SEMA3C: variants seen among roughly 807,000 people sequenced by gnomAD.
SEMA3C encodes semaphorin-3C.
A neutral mutation model predicts 89.4 loss-of-function variants in SEMA3C; 47 were observed. The ratio of observed to expected loss-of-function variants is 0.53; its 90% CI spans 0.42 to 0.67. The LOEUF is 0.67. Ranked by LOEUF, SEMA3C falls within the 30% of genes least tolerant of loss-of-function variation. The pLI is 0.00. For synonymous variants in SEMA3C, 310 were observed against 320.2 expected (o/e 0.97, Z 0.34); for missense variants, 839 against 929.1 (o/e 0.90, Z 1.26).
At chr7:80,774,604 T>C (rs961075969) in intron 12 of SEMA3C, among the ~76,000 whole-genome samples, 2 of 151,840 alleles carry the variant, frequency 1.3e-5, no homozygotes, top group African/African-American at 4.8e-5. Context: ...TAATAGCAGA[T>C]TAAAGTATTG....
At chr7:80,880,263 T>C (rs918075646) in intron 2 of SEMA3C, among the ~76,000 whole-genome samples, 5 of 152,234 alleles carry the variant, frequency 3.3e-5, no homozygotes, top group African/African-American at 1.2e-4. Flanking sequence ...CTGTGTTTTC[T>C]TGTCCACAGT....
intron 4 of SEMA3C, among the ~76,000 whole-genome samples, chr7:80,820,342 G>T (rs912785239): frequency 2.0e-5 from 3 of 151,890 alleles, no homozygotes; most frequent in Admixed American, 6.6e-5. Flanking sequence ...TTACAGGTGT[G>T]AGCCACCATG....
chr7:80,764,313 T>C (rs972112281), intron 13 of SEMA3C, among the ~76,000 whole-genome samples: 3 of 152,188 alleles, frequency 2.0e-5, no homozygotes, highest in Non-Finnish European at 2.9e-5. Context: ...TAGTTGGAAA[T>C]AGTGTTCTGC....
intron 15 of SEMA3C, among the ~76,000 whole-genome samples, chr7:80,752,311 C>T (rs1313005160): frequency 6.6e-6 from 1 of 151,988 alleles, no homozygotes. Context: ...TTAAGCATTT[C>T]AAAAATTTAG....
In SEMA3C at chr7:80,745,108, C is replaced by T; in HGVS notation, c.2042G>A (p.Ser681Asn). ...TDKWSPWTWA[S>N]SVRALPFHPK... ...GTGGAAGGGTAAAGCCCTCACAGAG[C>T]TGGCCCAGGTCCATGGGGACCATTT... is the stretch of plus-strand genomic sequence containing the variant. The change falls in exon 18 of 18, where the codon AGC becomes AAC. Residue 681 changes from serine (S) to asparagine (N), a missense_variant. Ser to Asn is a conservative substitution (Grantham distance 46). Coordinates refer to ENST00000265361, the MANE Select transcript of SEMA3C (RefSeq NM_006379.5). The T allele has an allele frequency of 6.2e-7, 1 of 1,614,038 alleles. No individual in the cohort carries two copies. Among genetic ancestry groups the T allele is most frequent in the East Asian group, 2.2e-5 (1 of 44,864 alleles).
intron 2 of SEMA3C, among the ~76,000 whole-genome samples, chr7:80,874,938 G>T (rs1248407212): frequency 6.6e-6 from 1 of 151,976 alleles, no homozygotes; most frequent in African/African-American, 2.4e-5. Flanking sequence ...AAAATTAGCT[G>T]CCAGGTGTGG....
At chr7:80,845,632 T>C (rs1346016325) in intron 2 of SEMA3C, among the ~76,000 whole-genome samples, 1 of 152,162 alleles carries the variant, frequency 6.6e-6, no homozygotes, top group Non-Finnish European at 1.5e-5. Flanking sequence ...TATCACTCAA[T>C]TCTAGACACA....
chr7:80,902,820 T>C (rs1481280867), intron 2 of SEMA3C, among the ~76,000 whole-genome samples: 2 of 152,198 alleles, frequency 1.3e-5, no homozygotes, highest in Non-Finnish European at 2.9e-5. Context: ...TTTCCTTGTG[T>C]GTTGTTGAGT....
chr7:80,763,152 CA>C (rs1269636059), intron 13 of SEMA3C, among the ~76,000 whole-genome samples: 10 of 152,116 alleles, frequency 6.6e-5, no homozygotes, highest in Non-Finnish European at 1.0e-4. Context: ...AAATGTGGAA[CA>C]GAGGACTAAA....
chr7:80,802,737 T>C lies in SEMA3C; in HGVS notation c.844A>G (p.Thr282Ala). 1 of 1,613,460 alleles carries C rather than the reference T, an allele frequency of 6.2e-7. No homozygotes were observed. Among genetic ancestry groups the C allele is most frequent in the Non-Finnish European group, 8.5e-7 (1 of 1,179,512 alleles). ...GLRSLVNKWTTFLKARLVCSV... is the reference protein window; with the variant it reads ...GLRSLVNKWTAFLKARLVCSV... ...CACACCAGCCTCGCCTTTAAGAAAGTGGTCCACTTGTTGACAAGGCTACGC... is the reference window on the plus strand; with the variant it reads ...CACACCAGCCTCGCCTTTAAGAAAGCGGTCCACTTGTTGACAAGGCTACGC... The change falls in exon 9 of 18, where the codon ACT (threonine) becomes GCT (alanine). Residue 282 changes from threonine to alanine, a missense_variant. Transcript: ENST00000265361.
intron 2 of SEMA3C, among the ~76,000 whole-genome samples, chr7:80,838,617 T>C (rs1790192554): frequency 1.3e-5 from 2 of 152,188 alleles, no homozygotes; most frequent in Non-Finnish European, 2.9e-5. Flanking sequence ...TACTTGGGAC[T>C]GGGCAATTCA....
rs1789108360 is a variant in SEMA3C at position 80,798,026 on chromosome 7, T to C, written c.1131+66A>G. On this transcript the variant is annotated intron_variant, in intron 11 of 17. Transcript: ENST00000265361. ...AAAAAACCCCAAAAAACCCCACAGA[T>C]ATTCATTACCTGTTAAATGAGTTTT... 3 of 1,478,374 alleles carry C rather than the reference T, an allele frequency of 2.0e-6. No individual in the cohort carries two copies. The Admixed American group carries it at 7.2e-5, about 36-fold the overall frequency. The allele number at this position is 1,478,374 out of a possible 1,614,324, so 91.6% of individuals were successfully genotyped here.
chr7:80,880,554 T>C (rs1283641693), intron 2 of SEMA3C, among the ~76,000 whole-genome samples: 1 of 152,202 alleles, frequency 6.6e-6, no homozygotes, highest in Non-Finnish European at 1.5e-5. Context: ...TTTCAAAATA[T>C]CTATGCCTGG....
Position 80,802,649 on chromosome 7 carries a change from T to A in SEMA3C, c.916+16A>T, listed in dbSNP as rs745448508. ...GCCTTCTTTCAGAAGCATTTTTCAATCTCATATGTATGTACCTAATTCATC... is the reference window on the plus strand; with the variant it reads ...GCCTTCTTTCAGAAGCATTTTTCAAACTCATATGTATGTACCTAATTCATC... On this transcript the variant is annotated intron_variant, in intron 9 of 17. Coordinates refer to ENST00000265361, the MANE Select transcript of SEMA3C (RefSeq NM_006379.5). 6.5e-7 allele frequency: 1 copy of A among 1,543,550 alleles called. No homozygotes were observed. The highest frequency in any genetic ancestry group is 8.9e-7 in the Non-Finnish European group (1 of 1,120,346).
At chr7:80,787,965 C>T (rs1181962034) in intron 12 of SEMA3C, among the ~76,000 whole-genome samples, 1 of 152,084 alleles carries the variant, frequency 6.6e-6, no homozygotes, top group Non-Finnish European at 1.5e-5. Flanking sequence ...TGTAGTAGCA[C>T]ATTTTAGAAG....
chr7:80,902,590 T>C (rs1791908126), intron 2 of SEMA3C, among the ~76,000 whole-genome samples: 1 of 152,212 alleles, frequency 6.6e-6, no homozygotes, highest in Admixed American at 6.5e-5. Context: ...GGTCCAATTT[T>C]TCAACTATCC....
At chr7:80,897,374 G>A (rs114821592) in intron 2 of SEMA3C, among the ~76,000 whole-genome samples, 1,745 of 152,272 alleles carry the variant, frequency 0.011, 28 homozygotes, top group African/African-American at 0.039. Context: ...GAGGGAAGTA[G>A]TGCCTTCTTT....
intron 12 of SEMA3C, among the ~76,000 whole-genome samples, chr7:80,781,785 C>T (rs151252550): frequency 2.0e-5 from 3 of 152,184 alleles, no homozygotes; most frequent in Non-Finnish European, 4.4e-5. Flanking sequence ...ACATTCCTAT[C>T]ACCAGAGGGT....
Position 80,912,506 on chromosome 7 carries a change from A to C in SEMA3C, c.103+4173T>G, listed in dbSNP as rs190329196. On this transcript the variant is annotated intron_variant, in intron 2 of 17. Transcript: ENST00000265361. ...TGTTTCAGGTAATGTCCAACTCACA[A>C]GTGAATTCATCAATCCTTTGCTGAG... Among the ~76,000 whole-genome samples the C allele has an allele frequency of 1.5e-3, 223 of 152,330 alleles. 1 individual carries two copies. The East Asian group carries it at 0.021, about 14-fold the overall frequency.
Sources: gnomAD v4.1 joint callset for allele counts (sites outside exome capture counted in the v4.1 genomes callset) on GRCh38, gnomAD v4.1.1 for gene constraint, MANE v1.5 for transcripts, NCBI Gene and HGNC (gene_info 2026-07-23, HGNC 2026-07-21) for gene names.